The following CPPED1 variants were observed in gnomAD, a reference collection of about 807,000 sequenced individuals.
CPPED1 encodes serine/threonine-protein phosphatase CPPED1.
In CPPED1, 28 loss-of-function variants were observed where a neutral mutation model predicts 28.0. That is an observed-to-expected ratio of 1.00 (90% CI 0.74 to 1.37). CPPED1 has a LOEUF of 1.37. Among genes scored for constraint, CPPED1 ranks in the 40% most tolerant of loss-of-function variants. The probability of loss-of-function intolerance (pLI) is 0.00; values close to 1 mark genes in which losing one functional copy is unlikely to be tolerated. For synonymous variants in CPPED1, 198 were observed against 180.2 expected (o/e 1.10, Z -0.79); for missense variants, 504 against 416.5 (o/e 1.21, Z -1.83).
intron 1 of CPPED1, among the ~76,000 whole-genome samples, chr16:12,801,176 T>A (rs1021196332): frequency 1.2e-4 from 19 of 152,208 alleles, no homozygotes; most frequent in African/African-American, 4.6e-4. Flanking sequence ...TCACTGCAAC[T>A]TCTGCTTCCC....
intron 2 of CPPED1, among the ~76,000 whole-genome samples, chr16:12,776,085 C>G (rs1199966884): frequency 6.6e-6 from 1 of 152,094 alleles, no homozygotes; most frequent in Non-Finnish European, 1.5e-5. Flanking sequence ...CCTGGGTTAT[C>G]TGGATGGACC....
chr16:12,737,970 T>C (rs186639432), intron 2 of CPPED1, among the ~76,000 whole-genome samples: 6 of 152,332 alleles, frequency 3.9e-5, no homozygotes, highest in Admixed American at 2.6e-4. Context: ...AAAGTCATCA[T>C]GGAAATGATA....
intron 2 of CPPED1, among the ~76,000 whole-genome samples, chr16:12,775,277 T>TA (rs776428477): frequency 2.6e-5 from 4 of 152,152 alleles, no homozygotes; most frequent in Non-Finnish European, 5.9e-5. Flanking sequence ...TCAGCCTCCA[T>TA]AACTGAAAGA....
At chr16:12,692,674 G>A (rs547690293) in intron 3 of CPPED1, among the ~76,000 whole-genome samples, 8 of 152,208 alleles carry the variant, frequency 5.3e-5, no homozygotes, top group Non-Finnish European at 1.0e-4. Context: ...AGCAGCCGCT[G>A]ACAATAATGT....
rs1356837537 is a variant in CPPED1, at chr16:12,661,390, TTAC to T, written c.*3493_*3495del. On this transcript the variant is annotated 3_prime_UTR_variant, in exon 4 of 4. Transcript: ENST00000381774. ...CGTTCTGTTGCTAGTCCCATAAAGC[TTAC>T]TACATTTTTTCCCCATTCTCCCCAA... The T allele has an allele frequency of 3.9e-5, 6 of 152,182 alleles. No individual in the cohort carries two copies. The highest frequency in any genetic ancestry group is 4.1e-4 in the South Asian group (2 of 4,824). The allele number at this position is 152,182 out of a possible 1,614,324, so 9.4% of individuals were successfully genotyped here.
chr16:12,675,793 T>C (rs1276615091), intron 3 of CPPED1, among the ~76,000 whole-genome samples: 1 of 152,228 alleles, frequency 6.6e-6, no homozygotes, highest in African/African-American at 2.4e-5. Flanking sequence ...ACACTGAATT[T>C]ATTCTGCCTC....
At chr16:12,792,129 T>C (rs2080600320) in intron 1 of CPPED1, among the ~76,000 whole-genome samples, 1 of 152,088 alleles carries the variant, frequency 6.6e-6, no homozygotes, top group Non-Finnish European at 1.5e-5. Flanking sequence ...TGTTTTGTAT[T>C]TTTAGTAGAG....
At chr16:12,781,675 C>G (rs1239092677) in intron 1 of CPPED1, among the ~76,000 whole-genome samples, 1 of 152,114 alleles carries the variant, frequency 6.6e-6, no homozygotes, top group Non-Finnish European at 1.5e-5. Context: ...ACAAGCTAGA[C>G]AGCCAAAAGG....
chr16:12,680,702 C>G (rs189425154), intron 3 of CPPED1, among the ~76,000 whole-genome samples: 1 of 152,124 alleles, frequency 6.6e-6, no homozygotes, highest in African/African-American at 2.4e-5. Context: ...TCTCAGGTTA[C>G]GGAGTGCCTA....
At chr16:12,771,990 G>T (rs534911091) in intron 2 of CPPED1, among the ~76,000 whole-genome samples, 163 of 152,232 alleles carry the variant, frequency 1.1e-3, no homozygotes, top group Middle Eastern at 3.4e-3. Flanking sequence ...GGGCTTGGTG[G>T]TGCATGCCTG....
chr16:12,694,246 A>C (rs1456858580), intron 3 of CPPED1, among the ~76,000 whole-genome samples: 1 of 152,164 alleles, frequency 6.6e-6, no homozygotes, highest in Non-Finnish European at 1.5e-5. Context: ...TTTTTAGTTG[A>C]AGAGCAATCT....
intron 2 of CPPED1, among the ~76,000 whole-genome samples, chr16:12,742,918 C>G (rs1266792067): frequency 6.6e-6 from 1 of 152,172 alleles, no homozygotes; most frequent in Non-Finnish European, 1.5e-5. Context: ...GCACCAGTTT[C>G]CTCTCCCAGT....
chr16:12,724,323 T>G (rs1040347942), intron 2 of CPPED1, among the ~76,000 whole-genome samples: 1 of 152,150 alleles, frequency 6.6e-6, no homozygotes, highest in South Asian at 2.1e-4. Context: ...TCACACACTT[T>G]ACCCATCCCT....
chr16:12,718,295 T>G (rs920392701), intron 2 of CPPED1, among the ~76,000 whole-genome samples: 2 of 152,174 alleles, frequency 1.3e-5, no homozygotes, highest in African/African-American at 4.8e-5. Flanking sequence ...TCCTAGCACT[T>G]TGGCAGGCCA....
At chr16:12,781,660 T>C (rs1015833694) in intron 1 of CPPED1, among the ~76,000 whole-genome samples, 1 of 152,140 alleles carries the variant, frequency 6.6e-6, no homozygotes, top group Non-Finnish European at 1.5e-5. Context: ...CCAAGCTGTT[T>C]GCTGACAAGC....
intron 2 of CPPED1, chr16:12,759,376 C>G (rs1567299083): frequency 6.6e-6 from 1 of 152,234 alleles, no homozygotes; most frequent in African/African-American, 2.4e-5. Flanking sequence ...CCTGCCCTCT[C>G]CTTTGTGTCA....
chr16:12,796,745 A>G (rs9938791), intron 1 of CPPED1, among the ~76,000 whole-genome samples: 39,386 of 152,026 alleles, frequency 0.26, 6,556 homozygotes, highest in African/African-American at 0.47. Flanking sequence ...AAGATATGAG[A>G]ACAAATACCC....
intron 2 of CPPED1, among the ~76,000 whole-genome samples, chr16:12,719,849 T>C (rs924986114): frequency 6.6e-6 from 1 of 151,976 alleles, no homozygotes; most frequent in South Asian, 2.1e-4. Flanking sequence ...GGCAGGAGAA[T>C]TGCTTGAACC....
At chr16:12,693,700 C>T (rs947981173) in intron 3 of CPPED1, among the ~76,000 whole-genome samples, 3 of 152,054 alleles carry the variant, frequency 2.0e-5, no homozygotes, top group South Asian at 2.1e-4. Context: ...AACTAGTAGA[C>T]GGAATGAGCG....
Sources: allele counts gnomAD v4.1 joint callset (sites outside exome capture counted in the v4.1 genomes callset), GRCh38; gene constraint gnomAD v4.1.1; transcripts MANE v1.5; gene names NCBI Gene and HGNC (gene_info 2026-07-23, HGNC 2026-07-21).